Variants in RPS6KA6 observed in about 807,000 individuals in gnomAD.
RPS6KA6 encodes the protein ribosomal protein S6 kinase A6.
A neutral mutation model predicts 65.4 loss-of-function variants in RPS6KA6; 27 were observed. That is an observed-to-expected ratio of 0.41 (90% CI 0.30 to 0.57). RPS6KA6 has a LOEUF of 0.57. Among genes scored for constraint, RPS6KA6 ranks in the 20% least tolerant of loss-of-function variants. The pLI, the probability that RPS6KA6 is intolerant of heterozygous loss-of-function variation, is 0.24. For missense variants in RPS6KA6, 486 were observed against 555.6 expected (o/e 0.87, Z 1.26); for synonymous variants, 190 against 184.2 (o/e 1.03, Z -0.26).
intron 20 of RPS6KA6, among the ~76,000 whole-genome samples, chrX:84,089,785 T>A (rs1363580022): frequency 9.0e-6 from 1 of 111,601 alleles, no homozygotes; most frequent in Non-Finnish European, 1.9e-5. Flanking sequence ...GTTGTCTGCC[T>A]AGTCAGTCCC....
chrX:84,156,757 C>T (rs762910161), intron 2 of RPS6KA6, among the ~76,000 whole-genome samples: 6 of 111,686 alleles, frequency 5.4e-5, no homozygotes, highest in South Asian at 7.5e-4. Flanking sequence ...TGCCAGATTT[C>T]GTACCACCTG....
intron 18 of RPS6KA6, 129 bp from the exon 19 acceptor site, chrX:84,097,977 G>T (rs1402248520): frequency 2.1e-6 from 1 of 471,817 alleles, no homozygotes; most frequent in Non-Finnish European, 3.7e-6. Flanking sequence ...TTATGCACTT[G>T]TAGTAAAGAC....
chrX:84,132,061 A>T (rs966846495), intron 8 of RPS6KA6, among the ~76,000 whole-genome samples: 38 of 112,003 alleles, frequency 3.4e-4, no homozygotes, highest in African/African-American at 1.1e-3. Context: ...TGTGATTTAC[A>T]TCTCTGACCA....
chrX:84,136,707 G>A (rs1393987246), intron 6 of RPS6KA6, among the ~76,000 whole-genome samples: 1 of 111,405 alleles, frequency 9.0e-6, no homozygotes, highest in African/African-American at 3.3e-5. Flanking sequence ...AGGTTGTCTT[G>A]GTAGAAAGCC....
Position 84,058,762 on chromosome X carries a change from CTTTTA to C in RPS6KA6, c.*5510_*5514del, listed in dbSNP as rs1254308898. 4.5e-5 allele frequency: 5 copies of C among 111,670 alleles called. No homozygotes were observed. The highest frequency in any genetic ancestry group is 9.4e-5 in the Non-Finnish European group (5 of 53,171). The allele number at this position is 111,670 out of a possible 1,213,427, so 9.2% of individuals were successfully genotyped here. On this transcript the variant is annotated 3_prime_UTR_variant, in exon 22 of 22. Coordinates refer to ENST00000262752, the MANE Select transcript of RPS6KA6 (RefSeq NM_014496.5). ...ACACGTAAATCAAATTCACACACAA[CTTTTA>C]TTTAATGCCATTTCAGTCTTCAGAA...
At chrX:84,096,527 A>T (rs961149356) in intron 19 of RPS6KA6, among the ~76,000 whole-genome samples, 1 of 111,482 alleles carries the variant, frequency 9.0e-6, no homozygotes, top group African/African-American at 3.2e-5. Context: ...TACATCAATT[A>T]TTTCTTTTGT....
chrX:84,077,922 A>C (rs1480219868), intron 20 of RPS6KA6, among the ~76,000 whole-genome samples: 2 of 112,485 alleles, frequency 1.8e-5, no homozygotes, highest in Non-Finnish European at 3.8e-5. Context: ...AGTCAGTCAA[A>C]CCATCATAAG....
chrX:84,138,415 G>C (rs2035032462), intron 6 of RPS6KA6, among the ~76,000 whole-genome samples: 1 of 110,192 alleles, frequency 9.1e-6, no homozygotes, highest in Admixed American at 9.7e-5. Flanking sequence ...GCCTGGTATA[G>C]TGGCGCACGC....
chrX:84,169,257 T>C (rs2035642907), intron 1 of RPS6KA6, among the ~76,000 whole-genome samples: 1 of 111,505 alleles, frequency 9.0e-6, no homozygotes, highest in Admixed American at 9.6e-5. Context: ...TCTTTTCACA[T>C]TTTATCAGAA....
intron 12 of RPS6KA6, among the ~76,000 whole-genome samples, chrX:84,108,247 A>T (rs1223820253): frequency 8.9e-6 from 1 of 111,906 alleles, no homozygotes; most frequent in African/African-American, 3.2e-5. Context: ...TTTGAAATCT[A>T]TTTTTTAAAA....
At chrX:84,160,788 T>A (rs1258425680) in intron 2 of RPS6KA6, among the ~76,000 whole-genome samples, 2 of 111,043 alleles carry the variant, frequency 1.8e-5, no homozygotes, top group African/African-American at 3.3e-5. Flanking sequence ...GAAAACCATG[T>A]CAAATATTAG....
chrX:84,069,279 T>C (rs1391822221), intron 20 of RPS6KA6, among the ~76,000 whole-genome samples: 1 of 111,596 alleles, frequency 9.0e-6, no homozygotes, highest in East Asian at 2.8e-4. Context: ...AACCATTTGA[T>C]CTTCGACAAA....
chrX:84,151,754 A>G (rs1163922873), intron 3 of RPS6KA6, among the ~76,000 whole-genome samples: 1 of 112,029 alleles, frequency 8.9e-6, no homozygotes. Flanking sequence ...AAATGTAATA[A>G]TTGTTAATGT....
At chrX:84,099,209 C>T (rs1370872173) in intron 18 of RPS6KA6, among the ~76,000 whole-genome samples, 3 of 110,825 alleles carry the variant, frequency 2.7e-5, no homozygotes, top group South Asian at 3.8e-4. Flanking sequence ...GACAGACTTG[C>T]GCAGGAGGTG....
At position 84,106,966 on chromosome X, in the gene RPS6KA6, C is replaced by T. The variant is rs377048131; in HGVS notation, c.1186G>A (p.Ala396Thr). The change falls in exon 14 of 22, where the codon GCA (alanine) becomes ACA (threonine). Residue 396 changes from alanine (A) to threonine (T), a missense_variant. Around this residue, in one of 3 missense-constraint regions of RPS6KA6, gnomAD observed 345 missense variants for 375.0 expected, o/e 0.92. Transcript: ENST00000262752. ...ATAGGAGTGATTTTATATTCTTCTGCAATAGAAGTTGCAACAAAGCTGAAT... is the reference window on the plus strand; with the variant it reads ...ATAGGAGTGATTTTATATTCTTCTGTAATAGAAGTTGCAACAAAGCTGAAT... ...KGFSFVATSIAEEYKITPITS... is the reference protein window; with the variant it reads ...KGFSFVATSITEEYKITPITS... 6 of 1,196,654 alleles carry T rather than the reference C, an allele frequency of 5.0e-6. No individual in the cohort carries two copies. The highest frequency in any genetic ancestry group is 3.5e-5 in the African/African-American group (2 of 57,444).
At chrX:84,184,336 T>C (rs776851963) in intron 1 of RPS6KA6, among the ~76,000 whole-genome samples, 4 of 112,676 alleles carry the variant, frequency 3.6e-5, no homozygotes, top group African/African-American at 1.3e-4. Flanking sequence ...GTTCAGACTT[T>C]AGGGGCATGG....
intron 21 of RPS6KA6, 48 bp from the exon 22 acceptor site, chrX:84,064,450 A>T (rs757521461): frequency 4.5e-6 from 1 of 222,675 alleles, no homozygotes; most frequent in Non-Finnish European, 6.6e-6. Flanking sequence ...TTCTGGAGTT[A>T]AAAAAAAAAA....
At chrX:84,161,050 T>G (rs1436692319) in intron 2 of RPS6KA6, among the ~76,000 whole-genome samples, 1 of 111,092 alleles carries the variant, frequency 9.0e-6, no homozygotes, top group African/African-American at 3.3e-5. Flanking sequence ...CTTACTCTAT[T>G]TCAGATCTCA....
At chrX:84,087,651 G>A (rs1456928630) in intron 20 of RPS6KA6, among the ~76,000 whole-genome samples, 1 of 110,932 alleles carries the variant, frequency 9.0e-6, no homozygotes, top group African/African-American at 3.3e-5. Flanking sequence ...TGATCTTCTG[G>A]TGGAGTATCT....
Sources: allele counts gnomAD v4.1 joint callset (sites outside exome capture counted in the v4.1 genomes callset), GRCh38; gene constraint gnomAD v4.1.1; regional missense constraint gnomAD v4.1.1; transcripts MANE v1.5; gene names NCBI Gene and HGNC (gene_info 2026-07-23, HGNC 2026-07-21).